The following STAU2 variants were observed in gnomAD, a reference collection of about 807,000 sequenced individuals.
STAU2 encodes double-stranded RNA-binding protein Staufen homolog 2.
A neutral mutation model predicts 65.9 loss-of-function variants in STAU2; 20 were observed. The ratio of observed to expected loss-of-function variants is 0.30; its 90% CI spans 0.21 to 0.44. STAU2 has a LOEUF of 0.44. STAU2 is among the 20% of genes least tolerant of loss of function. The pLI, the probability that STAU2 is intolerant of heterozygous loss-of-function variation, is 1.00. For synonymous variants in STAU2, 232 were observed against 233.9 expected (o/e 0.99, Z 0.07); for missense variants, 558 against 683.9 (o/e 0.82, Z 2.05).
chr8:73,702,535 T>A (rs1315344558), intron 4 of STAU2, among the ~76,000 whole-genome samples: 1 of 152,046 alleles, frequency 6.6e-6, no homozygotes, highest in African/African-American at 2.4e-5. Flanking sequence ...ATATACCTCA[T>A]AAATATATAT....
At chr8:73,620,699 T>G (rs962648673) in intron 6 of STAU2, among the ~76,000 whole-genome samples, 2 of 152,232 alleles carry the variant, frequency 1.3e-5, no homozygotes, top group Non-Finnish European at 2.9e-5. Flanking sequence ...ATTAAGTATG[T>G]TGCATTTTTA....
chr8:73,574,439 A>G (rs1809356408), intron 12 of STAU2, among the ~76,000 whole-genome samples: 1 of 152,254 alleles, frequency 6.6e-6, no homozygotes, highest in South Asian at 2.1e-4. Context: ...TCATGCTGCT[A>G]TAAAGACACA....
intron 3 of STAU2, among the ~76,000 whole-genome samples, chr8:73,726,092 A>C (rs989991121): frequency 6.6e-6 from 1 of 152,078 alleles, no homozygotes; most frequent in Non-Finnish European, 1.5e-5. Flanking sequence ...TAAACAGAGA[A>C]CAGAGGTTTA....
At chr8:73,557,781 T>G (rs182661771) in intron 12 of STAU2, among the ~76,000 whole-genome samples, 67 of 152,278 alleles carry the variant, frequency 4.4e-4, no homozygotes, top group Admixed American at 3.0e-3. Context: ...TAACATCCAT[T>G]ATATTCATTC....
intron 13 of STAU2, among the ~76,000 whole-genome samples, chr8:73,535,647 A>G (rs769992155): frequency 2.2e-4 from 34 of 152,188 alleles, no homozygotes; most frequent in Non-Finnish European, 4.7e-4. Flanking sequence ...GCACTTCCCT[A>G]TTTTGCAGTG....
intron 12 of STAU2, among the ~76,000 whole-genome samples, chr8:73,560,373 C>T (rs1586006031): frequency 6.6e-6 from 1 of 152,114 alleles, no homozygotes; most frequent in Non-Finnish European, 1.5e-5. Context: ...AGCCACCACG[C>T]CTGGCCAAAA....
chr8:73,422,665 C>T lies in STAU2; in HGVS notation c.1568G>A (p.Gly523Glu). 2 of 1,507,434 alleles carry T rather than the reference C, an allele frequency of 1.3e-6. No homozygotes were observed. Among genetic ancestry groups the T allele is most frequent in the South Asian group, 2.6e-5 (2 of 77,146 alleles). The allele number at this position is 1,507,434 out of a possible 1,614,324, so 93.4% of individuals were successfully genotyped here. Reference sequence around the variant, plus strand: ...CATTGCTCCATCGATTGGATCCAGTCCTTGTTCAGAAAATTGTTTCAAGGC... The same window carrying T: ...CATTGCTCCATCGATTGGATCCAGTTCTTGTTCAGAAAATTGTTTCAAGGC... Reference protein sequence around the residue: ...LSALKQFSEQGLDPIDGAMNI... With the variant: ...LSALKQFSEQELDPIDGAMNI... Residue 523 changes from glycine to glutamate, a missense_variant, in exon 14 of 15, where the codon GGA (glycine) becomes GAA (glutamate). Gly to Glu is a moderately conservative substitution (Grantham distance 98, BLOSUM62 -2). Coordinates refer to ENST00000524300, the MANE Select transcript of STAU2 (RefSeq NM_001164380.2).
At chr8:73,564,932 G>A (rs114592604) in intron 12 of STAU2, among the ~76,000 whole-genome samples, 3,807 of 152,224 alleles carry the variant, frequency 0.025, 170 homozygotes, top group African/African-American at 0.084. Flanking sequence ...GTGCGCACAC[G>A]CGTGTGCACA....
chr8:73,571,723 G>C (rs1211659582), intron 12 of STAU2, among the ~76,000 whole-genome samples: 1 of 152,198 alleles, frequency 6.6e-6, no homozygotes. Flanking sequence ...CAACATACCA[G>C]AATCTCTGGG....
intron 1 of STAU2, among the ~76,000 whole-genome samples, 153 bp downstream of exon 1, chr8:73,746,630 G>A (rs907562126): frequency 1.3e-5 from 2 of 151,968 alleles, no homozygotes; most frequent in African/African-American, 2.4e-5. Flanking sequence ...CGATGTGGGA[G>A]GGAAGGCGCG....
intron 13 of STAU2, among the ~76,000 whole-genome samples, chr8:73,446,792 A>G (rs1007328393): frequency 1.3e-5 from 2 of 152,096 alleles, no homozygotes; most frequent in African/African-American, 4.8e-5. Context: ...TAAAATTAAT[A>G]ACTCTCATTG....
intron 12 of STAU2, among the ~76,000 whole-genome samples, chr8:73,562,211 T>A (rs2128949917): frequency 6.6e-6 from 1 of 152,262 alleles, no homozygotes; most frequent in African/African-American, 2.4e-5. Context: ...TGGAGGTCAG[T>A]GCAGTGGCTC....
intron 13 of STAU2, chr8:73,527,612 C>T (rs554195173): frequency 1.7e-5 from 18 of 1,053,214 alleles, no homozygotes; most frequent in Middle Eastern, 2.3e-4. Context: ...GCTGCATGTG[C>T]GCACATAGCT....
chr8:73,505,087 CCACCAAAT>C (rs1821987034), intron 13 of STAU2, among the ~76,000 whole-genome samples: 1 of 152,056 alleles, frequency 6.6e-6, no homozygotes, highest in Admixed American at 6.6e-5. Context: ...CTTCAGTTAT[CCACCAAAT>C]CATCTCTGGA....
chr8:73,687,376 A>ATAC (rs1563507021), intron 5 of STAU2, among the ~76,000 whole-genome samples: 36 of 49,894 alleles, frequency 7.2e-4, no homozygotes, highest in African/African-American at 3.3e-3. Flanking sequence ...ATAATTTATA[A>ATAC]TTTATATTTA....
At chr8:73,695,476 G>T (rs1453406072) in intron 4 of STAU2, among the ~76,000 whole-genome samples, 5 of 152,020 alleles carry the variant, frequency 3.3e-5, no homozygotes, top group Non-Finnish European at 5.9e-5. Context: ...CAAGGAGTAT[G>T]CAGTGGGCCC....
chr8:73,532,931 T>C (rs1484559738), intron 13 of STAU2, among the ~76,000 whole-genome samples: 2 of 152,222 alleles, frequency 1.3e-5, no homozygotes, highest in Non-Finnish European at 2.9e-5. Context: ...CAAGATATTC[T>C]GCCTCCTTAG....
intron 13 of STAU2, chr8:73,550,472 G>A (rs1259403199): frequency 2.9e-5 from 29 of 985,794 alleles, no homozygotes; most frequent in Non-Finnish European, 3.3e-5. Flanking sequence ...AATGCAATTT[G>A]TGCTTTGTTT....
chr8:73,714,743 A>G (rs1821123418), intron 3 of STAU2, among the ~76,000 whole-genome samples: 1 of 152,202 alleles, frequency 6.6e-6, no homozygotes, highest in Non-Finnish European at 1.5e-5. Context: ...ACTAAAGTCT[A>G]AGCCATTTTG....
Sources: gnomAD v4.1 joint callset for allele counts (sites outside exome capture counted in the v4.1 genomes callset) on GRCh38, gnomAD v4.1.1 for gene constraint, MANE v1.5 for transcripts, NCBI Gene and HGNC (gene_info 2026-07-23, HGNC 2026-07-21) for gene names.